CNTNAP2: variants seen among roughly 807,000 people sequenced by gnomAD.
CNTNAP2 encodes contactin-associated protein-like 2.
Under a neutral mutation model 155.2 loss-of-function variants are expected in CNTNAP2, and 98 were observed. The observed-to-expected ratio is 0.63, with a 90% CI of 0.54 to 0.75. The LOEUF is 0.75. CNTNAP2 is among the 30% of genes least tolerant of loss of function. The pLI, the probability that CNTNAP2 is intolerant of heterozygous loss-of-function variation, is 0.00. For missense variants in CNTNAP2, 1,727 were observed against 1,688.1 expected, an observed-to-expected ratio of 1.02 and a Z score of -0.40; for synonymous variants, 651 against 631.2, an observed-to-expected ratio of 1.03 and a Z score of -0.47.
At chr7:147,991,730 C>T (rs1801713757) in intron 15 of CNTNAP2, among the ~76,000 whole-genome samples, 1 of 152,122 alleles carries the variant, frequency 6.6e-6, no homozygotes, top group African/African-American at 2.4e-5. Context: ...TAGAGGCTTC[C>T]ATACTTTTGT....
In CNTNAP2 at chr7:147,902,884, A is replaced by G. The variant is rs534698177; in HGVS notation, c.2099-681A>G. 1.8e-3 allele frequency among the ~76,000 whole-genome samples: 273 copies of G among 149,404 alleles called. 1 individual carries two copies. The highest frequency in any genetic ancestry group is 6.4e-3 in the African/African-American group (258 of 40,460). On this transcript the variant is annotated intron_variant, in intron 13 of 23. Transcript: ENST00000361727. Reference sequence around the variant, plus strand: ...TTTATCCATTCATTGACTGATGGGCATTTAGGTTGCTTCCACATTTTTGCA... The same window carrying G: ...TTTATCCATTCATTGACTGATGGGCGTTTAGGTTGCTTCCACATTTTTGCA...
intron 11 of CNTNAP2, among the ~76,000 whole-genome samples, chr7:147,514,194 G>C (rs1162464410): frequency 6.6e-6 from 1 of 152,106 alleles, no homozygotes; most frequent in East Asian, 1.9e-4. Flanking sequence ...TAGGTACTAA[G>C]AACAATACAG....
At chr7:147,313,811 T>A (rs1795171676) in intron 9 of CNTNAP2, among the ~76,000 whole-genome samples, 1 of 151,898 alleles carries the variant, frequency 6.6e-6, no homozygotes, top group South Asian at 2.1e-4. Context: ...AAGTCATTGG[T>A]AGCTTGATGG....
intron 14 of CNTNAP2, among the ~76,000 whole-genome samples, chr7:147,974,276 T>A (rs1801387441): frequency 6.6e-6 from 1 of 152,314 alleles, no homozygotes; most frequent in South Asian, 2.1e-4. Context: ...CTAGCACTAG[T>A]TTCATAAGAA....
chr7:147,264,889 T>C (rs1050161869), intron 8 of CNTNAP2, among the ~76,000 whole-genome samples: 4 of 152,076 alleles, frequency 2.6e-5, no homozygotes, highest in Admixed American at 6.5e-5. Flanking sequence ...GTCCAGGAAA[T>C]TGAGGTCAAG....
chr7:148,096,594 T>C (rs570342055), intron 15 of CNTNAP2, among the ~76,000 whole-genome samples: 10 of 151,234 alleles, frequency 6.6e-5, no homozygotes, highest in Admixed American at 1.3e-4. Context: ...ATAGTGAGAG[T>C]AGGGGTGAAT....
chr7:146,740,348 T>C (rs1235711940), intron 1 of CNTNAP2, among the ~76,000 whole-genome samples: 2 of 151,994 alleles, frequency 1.3e-5, no homozygotes, highest in African/African-American at 4.8e-5. Context: ...TTATTATTAT[T>C]ATTGTTTTAT....
At chr7:148,128,635 A>T (rs901163865) in intron 16 of CNTNAP2, among the ~76,000 whole-genome samples, 1 of 152,242 alleles carries the variant, frequency 6.6e-6, no homozygotes, top group Non-Finnish European at 1.5e-5. Flanking sequence ...ATTTGAATGT[A>T]CAGTAGAGGT....
intron 9 of CNTNAP2, among the ~76,000 whole-genome samples, chr7:147,335,088 A>G (rs1168705189): frequency 6.6e-6 from 1 of 152,164 alleles, no homozygotes; most frequent in East Asian, 1.9e-4. Context: ...CCTTGTACTT[A>G]GTAGGTATTC....
At chr7:146,891,736 TAATC>T (rs1388722495) in intron 3 of CNTNAP2, among the ~76,000 whole-genome samples, 2 of 152,206 alleles carry the variant, frequency 1.3e-5, no homozygotes, top group Non-Finnish European at 2.9e-5. Context: ...TACGTGGTGG[TAATC>T]AATCAGTGTC....
chr7:147,006,259 C>G (rs1312308811), intron 3 of CNTNAP2, among the ~76,000 whole-genome samples: 5 of 151,968 alleles, frequency 3.3e-5, no homozygotes, highest in South Asian at 2.1e-4. Flanking sequence ...GAGAAGTATA[C>G]TAAACAAGGG....
chr7:148,306,766 G>GGTGTGT (rs150027065), intron 21 of CNTNAP2, among the ~76,000 whole-genome samples: 2 of 149,612 alleles, frequency 1.3e-5, no homozygotes, highest in African/African-American at 2.5e-5. Flanking sequence ...TTGGTTGGTT[G>GGTGTGT]GTGTGTGTGT....
rs113028868 is a variant in CNTNAP2, at chr7:146,253,893, C to CA, written c.97+136932dup. Among the ~76,000 whole-genome samples the CA allele has an allele frequency of 7.8e-4, 111 of 141,990 alleles. 1 individual carries two copies. Among genetic ancestry groups the CA allele is most frequent in the Middle Eastern group, 7.2e-3 (2 of 276 alleles). The allele number at this position is 141,990 out of a possible 152,430, so 93.2% of individuals were successfully genotyped here. On this transcript the variant is annotated intron_variant, in intron 1 of 23. Coordinates refer to ENST00000361727, the MANE Select transcript of CNTNAP2 (RefSeq NM_014141.6). ...GAAACATAGTGCAACCCTGTCACTA[C>CA]AAAAAAAAAAAATTAAAAATTAGCT... is the stretch of plus-strand genomic sequence containing the variant.
At chr7:146,707,431 A>G (rs923900129) in intron 1 of CNTNAP2, among the ~76,000 whole-genome samples, 2 of 152,162 alleles carry the variant, frequency 1.3e-5, no homozygotes, top group African/African-American at 2.4e-5. Context: ...AACATATAAA[A>G]ATGATCTCAA....
At chr7:146,681,421 TGTGGGTG>T (rs1386581265) in intron 1 of CNTNAP2, among the ~76,000 whole-genome samples, 1 of 96,962 alleles carries the variant, frequency 1.0e-5, no homozygotes, top group East Asian at 3.6e-4. Flanking sequence ...CACAGGGTCC[TGTGGGTG>T]GGGGGTGGAG....
chr7:147,029,435 G>C (rs1798985414), intron 3 of CNTNAP2, among the ~76,000 whole-genome samples: 2 of 152,252 alleles, frequency 1.3e-5, no homozygotes, highest in South Asian at 4.1e-4. Context: ...TAAAGTTTAA[G>C]AGAGCATGGA....
chr7:146,758,694 C>T (rs1802034018), intron 1 of CNTNAP2, among the ~76,000 whole-genome samples: 1 of 152,142 alleles, frequency 6.6e-6, no homozygotes, highest in Non-Finnish European at 1.5e-5. Context: ...GCGGGAAAGA[C>T]CCACCCCATG....
At chr7:146,273,837 C>G (rs868314457) in intron 1 of CNTNAP2, among the ~76,000 whole-genome samples, 5 of 152,128 alleles carry the variant, frequency 3.3e-5, no homozygotes, top group Middle Eastern at 6.8e-3. Context: ...TAAAACAAGG[C>G]GATGACCCTG....
At chr7:147,678,174 G>T (rs1461312807) in intron 13 of CNTNAP2, among the ~76,000 whole-genome samples, 1 of 151,754 alleles carries the variant, frequency 6.6e-6, no homozygotes, top group East Asian at 1.9e-4. Context: ...TTTCCAGGAT[G>T]TTACATGAGC....
Sources: gnomAD v4.1 joint callset for allele counts (sites outside exome capture counted in the v4.1 genomes callset) on GRCh38, gnomAD v4.1.1 for gene constraint, MANE v1.5 for transcripts, NCBI Gene and HGNC (gene_info 2026-07-23, HGNC 2026-07-21) for gene names.